Variants in GAB3 observed in about 807,000 individuals in gnomAD.
GAB3 encodes the protein GRB2 associated binding protein 3.
In GAB3, 12 loss-of-function variants were observed where a neutral mutation model predicts 40.4. That is an observed-to-expected ratio of 0.30 (90% CI 0.19 to 0.48). GAB3 has a LOEUF of 0.48. GAB3 is among the 20% of genes least tolerant of loss of function. The pLI is 0.99. For synonymous variants in GAB3, 154 were observed against 176.7 expected (o/e 0.87, Z 1.02); for missense variants, 381 against 461.9 (o/e 0.82, Z 1.61).
chrX:154,712,206 G>A, intron 4 of GAB3, 23 bp downstream of exon 4: 5 of 1,110,716 alleles, frequency 4.5e-6, no homozygotes, highest in Non-Finnish European at 6.0e-6. Flanking sequence ...CTTGGCGCCT[G>A]AATCTTAGGA....
At chrX:154,744,871 A>G (rs868995684) in intron 1 of GAB3, among the ~76,000 whole-genome samples, 4 of 112,847 alleles carry the variant, frequency 3.5e-5, no homozygotes, top group Non-Finnish European at 7.5e-5. Context: ...AGAAATTAAT[A>G]ATAGAAAGAT....
intron 8 of GAB3, among the ~76,000 whole-genome samples, chrX:154,692,652 G>T (rs782063056): frequency 1.8e-5 from 2 of 111,722 alleles, no homozygotes; most frequent in Admixed American, 1.9e-4. Flanking sequence ...GCCGGGCATG[G>T]TGGTACACGC....
At chrX:154,734,298 G>A (rs782317903) in intron 1 of GAB3, among the ~76,000 whole-genome samples, 6 of 113,229 alleles carry the variant, frequency 5.3e-5, no homozygotes, top group Non-Finnish European at 7.5e-5. Flanking sequence ...CTTTGCTGCT[G>A]TTGCCTTTTA....
chrX:154,715,424 GTGGC>G (rs1569557841), intron 2 of GAB3, among the ~76,000 whole-genome samples: 32 of 107,568 alleles, frequency 3.0e-4, no homozygotes, highest in African/African-American at 1.0e-3. Context: ...GTGTGTGCGT[GTGGC>G]AGAGAGAGAG....
At chrX:154,723,992 G>C (rs924286565) in intron 1 of GAB3, among the ~76,000 whole-genome samples, 2 of 111,821 alleles carry the variant, frequency 1.8e-5, no homozygotes, top group Non-Finnish European at 3.8e-5. Flanking sequence ...CTTATGGTAT[G>C]ATTGTAGTGA....
chrX:154,727,600 C>T, intron 1 of GAB3, among the ~76,000 whole-genome samples: 1 of 112,273 alleles, frequency 8.9e-6, no homozygotes, highest in Admixed American at 9.4e-5. Context: ...AAACACTACT[C>T]TTGAGGAACA....
chrX:154,696,270 A>T (rs1325444097), intron 7 of GAB3, among the ~76,000 whole-genome samples: 3 of 103,455 alleles, frequency 2.9e-5, no homozygotes, highest in Non-Finnish European at 6.0e-5. Context: ...TGAGCTTTCT[A>T]AACGGACGAG....
rs1263102667 is a variant in GAB3 at position 154,675,982 on chromosome X, T to C, written c.*2196A>G. 1 of 112,097 alleles carries C rather than the reference T, an allele frequency of 8.9e-6. No homozygotes were observed. Among genetic ancestry groups the C allele is most frequent in the African/African-American group, 3.2e-5 (1 of 30,772 alleles). 9.2% of individuals were successfully genotyped at this position (112,097 alleles called of 1,213,427 possible). On this transcript the variant is annotated 3_prime_UTR_variant, in exon 10 of 10. Transcript: ENST00000424127. ...GGAAATGAGGGGTGAGTCACCTTTT[T>C]CAAAATTAAATTTTTAAAATTCTGA...
intron 1 of GAB3, among the ~76,000 whole-genome samples, chrX:154,749,562 CCCT>C: frequency 8.9e-6 from 1 of 112,287 alleles, no homozygotes; most frequent in South Asian, 3.7e-4. Flanking sequence ...AGATATTGGA[CCCT>C]GTGCTTATGG....
At chrX:154,704,626 C>G (rs1445136922) in intron 4 of GAB3, among the ~76,000 whole-genome samples, 1 of 111,202 alleles carries the variant, frequency 9.0e-6, no homozygotes, top group African/African-American at 3.3e-5. Context: ...AGAAAAAGTT[C>G]GTTCTTCAAA....
chrX:154,748,798 CAG>C (rs2071566703), intron 1 of GAB3, among the ~76,000 whole-genome samples: 1 of 112,159 alleles, frequency 8.9e-6, no homozygotes, highest in Non-Finnish European at 1.9e-5. Context: ...GCCTGTAACA[CAG>C]GGCCTAGTTC....
intron 8 of GAB3, among the ~76,000 whole-genome samples, chrX:154,688,434 C>G (rs181555397): frequency 1.0e-3 from 111 of 109,959 alleles, no homozygotes; most frequent in Non-Finnish European, 1.8e-3. Context: ...CACGTGCTAC[C>G]AAGCCCAGCT....
At chrX:154,724,590 A>G (rs2071185655) in intron 1 of GAB3, among the ~76,000 whole-genome samples, 1 of 111,162 alleles carries the variant, frequency 9.0e-6, no homozygotes, top group Non-Finnish European at 1.9e-5. Context: ...ACCACCGACC[A>G]GTATCATCTC....
chrX:154,693,243 C>A (rs1296742247), intron 8 of GAB3, among the ~76,000 whole-genome samples: 1 of 111,556 alleles, frequency 9.0e-6, no homozygotes, highest in African/African-American at 3.3e-5. Context: ...CAGGTAAGTT[C>A]ATAGAGACAG....
intron 1 of GAB3, among the ~76,000 whole-genome samples, chrX:154,727,133 G>A (rs782581281): frequency 8.9e-6 from 1 of 112,247 alleles, no homozygotes. Flanking sequence ...AGCCTAGAAC[G>A]TCCCACATGA....
chrX:154,702,547 AGCAAAAATG>A lies in GAB3; in HGVS notation c.1070-2497_1070-2489del, dbSNP rs782787248. Among the ~76,000 whole-genome samples, 3 of 112,439 alleles carry A rather than the reference AGCAAAAATG, an allele frequency of 2.7e-5. No individual in the cohort carries two copies. The East Asian group carries it at 8.3e-4, about 31-fold the overall frequency. ...GTACACCAAAAGTACAGACAACCAA[AGCAAAAATG>A]GACAAATGGGATCACATGAACTTGA... On this transcript the variant is annotated intron_variant, in intron 4 of 9. Coordinates refer to ENST00000424127, the MANE Select transcript of GAB3 (RefSeq NM_001081573.3).
intron 1 of GAB3, among the ~76,000 whole-genome samples, chrX:154,743,103 AAG>A (rs1319245624): frequency 5.5e-5 from 6 of 109,394 alleles, no homozygotes; most frequent in African/African-American, 2.0e-4. Context: ...TAAGCCAAGG[AAG>A]ACAGAATATA....
Position 154,699,424 on chromosome X carries a change from A to T in GAB3, c.1215T>A (p.Gly405=), listed in dbSNP as rs371800865. Residue 405 remains glycine (G), a synonymous_variant, in exon 6 of 10, where the codon GGT becomes GGA. Transcript: ENST00000424127. ...VPMSPQAGAS[G]LGPHCSPDDY... Reference sequence around the variant, plus strand: ...CATCAGGGCTGCAGTGGGGTCCAAGACCAGAGGCACCAGCCTGGGGGCTCA... The same window carrying T: ...CATCAGGGCTGCAGTGGGGTCCAAGTCCAGAGGCACCAGCCTGGGGGCTCA... 3.0e-5 allele frequency: 36 copies of T among 1,209,001 alleles called. No individual in the cohort carries two copies. Among genetic ancestry groups the T allele is most frequent in the Non-Finnish European group, 3.8e-5 (34 of 894,522 alleles).
At chrX:154,718,893 T>G (rs781939898) in intron 1 of GAB3, among the ~76,000 whole-genome samples, 1 of 112,384 alleles carries the variant, frequency 8.9e-6, no homozygotes, top group Non-Finnish European at 1.9e-5. Flanking sequence ...CCGCTCTTAG[T>G]GTTATGGAGA....
Sources: allele counts gnomAD v4.1 joint callset (sites outside exome capture counted in the v4.1 genomes callset), GRCh38; gene constraint gnomAD v4.1.1; transcripts MANE v1.5; gene names NCBI Gene and HGNC (gene_info 2026-07-23, HGNC 2026-07-21).